The following RPE variants were observed in gnomAD, a reference collection of about 807,000 sequenced individuals.
RPE encodes the protein ribulose-phosphate 3-epimerase.
RPE carries 16 observed loss-of-function variants against 24.6 expected under a neutral mutation model. That is an observed-to-expected ratio of 0.65 (90% CI 0.44 to 0.99). The LOEUF is 0.99. Among genes scored for constraint, RPE ranks in the 50% least tolerant of loss-of-function variants. The pLI is 0.00. For synonymous variants in RPE, 93 were observed against 98.4 expected (o/e 0.94, Z 0.33); for missense variants, 240 against 294.5 (o/e 0.81, Z 1.35).
At chr2:210,003,430 C>G (rs752822003) in intron 1 of RPE, 3 of 1,285,502 alleles carry the variant, frequency 2.3e-6, no homozygotes, top group Admixed American at 4.6e-5. Flanking sequence ...TGTCTATTTT[C>G]TCTTCAGGCA....
Position 210,016,581 on chromosome 2 carries a change from G to A in RPE, c.417G>A (p.Leu139=), listed in dbSNP as rs1157337472. 2 of 1,614,232 alleles carry A rather than the reference G, an allele frequency of 1.2e-6. No individual in the cohort carries two copies. The highest frequency in any genetic ancestry group is 1.7e-5 in the Admixed American group (1 of 60,026). ...APWANQIDMA[L]VMTVEPGFGG... is the part of the protein sequence containing the mutation. ...GGGCTAATCAGATAGATATGGCCTTGGTTATGACAGTGGAACCGGGGTTTG... is the reference window on the plus strand; with the variant it reads ...GGGCTAATCAGATAGATATGGCCTTAGTTATGACAGTGGAACCGGGGTTTG... The change falls in exon 4 of 6, where the codon TTG becomes TTA. Residue 139 remains leucine (L), a synonymous_variant. Transcript: ENST00000359429.
intron 4 of RPE, among the ~76,000 whole-genome samples, 198 bp downstream of exon 4, chr2:210,016,839 A>G (rs1226199600): frequency 6.6e-6 from 1 of 152,158 alleles, no homozygotes; most frequent in African/African-American, 2.4e-5. Context: ...TTACATCTTT[A>G]TCTTGAAATT....
Position 210,006,646 on chromosome 2 carries a change from GA to G in RPE, c.123-3008del, listed in dbSNP as rs957208725. ...AAATGAAACCTACTGTTAAGACAAC[GA>G]AACTATTTCCCAGACTACACAGCAA... On this transcript the variant is annotated intron_variant, in intron 1 of 5. Coordinates refer to ENST00000359429, the MANE Select transcript of RPE (RefSeq NM_199229.3). 3.4e-4 allele frequency among the ~76,000 whole-genome samples: 52 copies of G among 151,998 alleles called. 1 individual carries two copies. The highest frequency in any genetic ancestry group is 1.1e-3 in the African/African-American group (44 of 41,376).
chr2:210,013,600 G>A (rs1158038997), intron 2 of RPE, among the ~76,000 whole-genome samples: 1 of 151,944 alleles, frequency 6.6e-6, no homozygotes, highest in Admixed American at 6.6e-5. Context: ...CACCAAACCC[G>A]CCAAAAATTA....
chr2:210,005,188 A>T (rs1377654144), intron 1 of RPE, among the ~76,000 whole-genome samples: 1 of 150,224 alleles, frequency 6.7e-6, no homozygotes, highest in Non-Finnish European at 1.5e-5. Context: ...TGGGCTGTGG[A>T]CTCCTTTTTG....
intron 5 of RPE, chr2:210,018,279 T>G: frequency 6.7e-7 from 1 of 1,494,974 alleles, no homozygotes; most frequent in Non-Finnish European, 8.8e-7. Flanking sequence ...ACATTATTCT[T>G]TAGAACCTAC....
rs1157815062 is a variant in RPE at position 210,020,848 on chromosome 2, G to C, written c.*1057G>C. 5 of 153,150 alleles carry C rather than the reference G, an allele frequency of 3.3e-5. No homozygotes were observed. The East Asian group carries it at 5.8e-4, about 18-fold the overall frequency. The allele number at this position is 153,150 out of a possible 1,614,324, so 9.5% of individuals were successfully genotyped here. ...TGAAGAAATTAATGCTTAATAGGGT[G>C]GTACCCTGGAAAGGATCTGGGAAGT... On this transcript the variant is annotated 3_prime_UTR_variant, in exon 6 of 6. Coordinates refer to ENST00000359429, the MANE Select transcript of RPE (RefSeq NM_199229.3).
Sources: allele counts gnomAD v4.1 joint callset (sites outside exome capture counted in the v4.1 genomes callset), GRCh38; gene constraint gnomAD v4.1.1; transcripts MANE v1.5; gene names NCBI Gene and HGNC (gene_info 2026-07-23, HGNC 2026-07-21).